KMT5A: variants seen among roughly 807,000 people sequenced by gnomAD.
The protein encoded by KMT5A is lysine methyltransferase 5A.
Under a neutral mutation model 40.6 loss-of-function variants are expected in KMT5A, and 6 were observed. The observed-to-expected ratio is 0.15, with a 90% CI of 0.08 to 0.29. The LOEUF is 0.29. KMT5A is among the 10% of genes least tolerant of loss of function. The probability of loss-of-function intolerance (pLI) is 1.00; values close to 1 mark genes in which losing one functional copy is unlikely to be tolerated. For missense variants in KMT5A, 308 were observed against 459.1 expected, an observed-to-expected ratio of 0.67 and a Z score of 3.01; for synonymous variants, 153 against 178.8, an observed-to-expected ratio of 0.86 and a Z score of 1.15.
rs1878735887 is a variant in KMT5A, at chr12:123,408,438, T to G, written c.*735T>G. The G allele has an allele frequency of 6.6e-6, 1 of 151,934 alleles. No homozygotes were observed. Among genetic ancestry groups the G allele is most frequent in the Non-Finnish European group, 1.5e-5 (1 of 67,956 alleles). 9.4% of individuals were successfully genotyped at this position (151,934 alleles called of 1,614,324 possible). On this transcript the variant is annotated 3_prime_UTR_variant, in exon 8 of 8. Transcript: ENST00000402868. Reference sequence around the variant, plus strand: ...GGGTTTCCTGAAACTGGGTTAATTCTTTATAGAAATGTGAACACTGAATTT... The same window carrying G: ...GGGTTTCCTGAAACTGGGTTAATTCGTTATAGAAATGTGAACACTGAATTT...
intron 2 of KMT5A, 124 bp downstream of exon 2, chr12:123,389,678 C>A: frequency 2.9e-6 from 2 of 691,250 alleles, no homozygotes; most frequent in Non-Finnish European, 3.6e-6. Flanking sequence ...TGCCGCCTGG[C>A]TGGGAGTGGC....
At chr12:123,388,073 A>G (rs537628896) in intron 1 of KMT5A, among the ~76,000 whole-genome samples, 1 of 152,356 alleles carries the variant, frequency 6.6e-6, no homozygotes, top group African/African-American at 2.4e-5. Flanking sequence ...GCAGTGAGCT[A>G]TGCTGAAACA....
intron 7 of KMT5A, among the ~76,000 whole-genome samples, chr12:123,406,941 G>A (rs1391450555): frequency 1.3e-5 from 2 of 151,554 alleles, no homozygotes; most frequent in Non-Finnish European, 1.5e-5. Flanking sequence ...GCCTTACCCC[G>A]GGAGGCAGAG....
chr12:123,387,365 T>C (rs1182272230), intron 1 of KMT5A, among the ~76,000 whole-genome samples: 1 of 152,170 alleles, frequency 6.6e-6, no homozygotes, highest in African/African-American at 2.4e-5. Flanking sequence ...CTCGGTATAC[T>C]AGAATGTGAA....
rs190189133 is a variant in KMT5A at position 123,400,903 on chromosome 12, C to T, written c.598-2670C>T. On this transcript the variant is annotated intron_variant, in intron 5 of 7. Transcript: ENST00000402868. Reference sequence around the variant, plus strand: ...GATTATGGCTTACTAACCTCCGCCTCCTGGCCTGAGACTCCCAAGTAGCTT... The same window carrying T: ...GATTATGGCTTACTAACCTCCGCCTTCTGGCCTGAGACTCCCAAGTAGCTT... 5.7e-4 allele frequency among the ~76,000 whole-genome samples: 86 copies of T among 151,970 alleles called. 1 individual carries two copies. Among genetic ancestry groups the T allele is most frequent in the African/African-American group, 1.9e-3 (78 of 41,458 alleles).
In KMT5A at chr12:123,384,380, C is replaced by G. The variant is rs1387623213; in HGVS notation, c.10+172C>G. On this transcript the variant is annotated intron_variant, in intron 1 of 7. Coordinates refer to ENST00000402868, the MANE Select transcript of KMT5A (RefSeq NM_020382.7). This position sits in a 1 kb window ranked among gnomAD's most constrained non-coding sequence, Gnocchi z 5.7. ...GCTGCTGCGGAACCCGCCGGCCCCC[C>G]CTTGCGGCTCCAGATGCCCCCAGAA... Among the ~76,000 whole-genome samples the G allele has an allele frequency of 6.6e-6, 1 of 152,192 alleles. No individual in the cohort carries two copies. The highest frequency in any genetic ancestry group is 2.4e-5 in the African/African-American group (1 of 41,454).
intron 7 of KMT5A, 48 bp downstream of exon 7, chr12:123,405,122 A>G: frequency 6.6e-7 from 1 of 1,523,652 alleles, no homozygotes; most frequent in Non-Finnish European, 8.9e-7. Flanking sequence ...CTGGGCAGTG[A>G]GGAGAGGCCA....
intron 1 of KMT5A, 22 bp from the exon 2 acceptor site, chr12:123,389,411 T>TC: frequency 9.6e-7 from 1 of 1,040,834 alleles, no homozygotes; most frequent in Non-Finnish European, 1.2e-6. Flanking sequence ...CTCCCCCGCT[T>TC]CCCCCGGGTC....
chr12:123,386,196 A>G (rs998238111), intron 1 of KMT5A, among the ~76,000 whole-genome samples: 6 of 148,570 alleles, frequency 4.0e-5, no homozygotes, highest in Non-Finnish European at 7.4e-5. Context: ...ATTAAATTGG[A>G]TATTTAGATT....
In KMT5A at chr12:123,384,160, G is replaced by A. The variant is rs778539134; in HGVS notation, c.-39G>A. On this transcript the variant is annotated 5_prime_UTR_variant, in exon 1 of 8. Coordinates refer to ENST00000402868, the MANE Select transcript of KMT5A (RefSeq NM_020382.7). This position sits in a 1 kb window ranked among gnomAD's most constrained non-coding sequence, Gnocchi z 5.7. ...TTGTTGCAACTTTTTTCGAAAGCTG[G>A]GTTTCCCGGGAGATCCCAGGCGGTG... 4.3e-6 allele frequency: 7 copies of A among 1,613,018 alleles called. No individual in the cohort carries two copies. Among genetic ancestry groups the A allele is most frequent in the Middle Eastern group, 1.6e-4 (1 of 6,076 alleles).
In KMT5A at chr12:123,409,055, G is replaced by A. The variant is rs1418102228; in HGVS notation, c.*1352G>A. ...TGACCTGGTGTCTCCTGCCCACCCT[G>A]GTCCCAGGTAAATGTGAATGGAGAC... On this transcript the variant is annotated 3_prime_UTR_variant, in exon 8 of 8. Coordinates refer to ENST00000402868, the MANE Select transcript of KMT5A (RefSeq NM_020382.7). The A allele has an allele frequency of 2.0e-5, 3 of 152,624 alleles. No individual in the cohort carries two copies. The highest frequency in any genetic ancestry group is 4.4e-5 in the Non-Finnish European group (3 of 68,044). 9.5% of individuals were successfully genotyped at this position (152,624 alleles called of 1,614,324 possible).
chr12:123,384,356 C>G lies in KMT5A; in HGVS notation c.10+148C>G, dbSNP rs1348196209. The stretch of plus-strand genomic sequence containing the variant: ...GACCCGCGTGGGGGGAGAGGGGGTG[C>G]TGCTGCGGAACCCGCCGGCCCCCCC... On this transcript the variant is annotated intron_variant, in intron 1 of 7. Transcript: ENST00000402868. This position sits in a 1 kb window ranked among gnomAD's most constrained non-coding sequence, Gnocchi z 5.7. The G allele has an allele frequency of 4.4e-6, 5 of 1,124,034 alleles. No individual in the cohort carries two copies. In the East Asian group the frequency reaches 1.3e-4, roughly 29 times the overall value. The allele number at this position is 1,124,034 out of a possible 1,614,324, so 69.6% of individuals were successfully genotyped here.
intron 5 of KMT5A, among the ~76,000 whole-genome samples, chr12:123,401,381 T>C (rs112196150): frequency 0.071 from 10,580 of 150,038 alleles, 408 homozygotes; most frequent in South Asian, 0.12. Flanking sequence ...ATCTCCTGAC[T>C]TCGTGATCCG....
At chr12:123,396,233 G>A in intron 4 of KMT5A, 112 bp from the exon 5 acceptor site, 1 of 952,250 alleles carries the variant, frequency 1.1e-6, no homozygotes, top group Non-Finnish European at 1.6e-6. Context: ...GTGTTTAAGT[G>A]ACATCATCTC....
At chr12:123,392,945 C>T (rs564434967) in intron 3 of KMT5A, among the ~76,000 whole-genome samples, 6 of 152,192 alleles carry the variant, frequency 3.9e-5, no homozygotes, top group South Asian at 2.1e-4. Flanking sequence ...GGTGCAATCT[C>T]GGCTCACTGC....
chr12:123,391,139 A>C, intron 3 of KMT5A: 1 of 227,380 alleles, frequency 4.4e-6, no homozygotes, highest in South Asian at 6.4e-5. Flanking sequence ...GACCTAACTA[A>C]TGTGTTCATG....
intron 4 of KMT5A, among the ~76,000 whole-genome samples, chr12:123,396,068 A>G (rs1046410525): frequency 6.6e-6 from 1 of 150,712 alleles, no homozygotes; most frequent in African/African-American, 2.4e-5. Flanking sequence ...TTGGTCTTGA[A>G]CTCCTGGGCT....
chr12:123,396,916 C>G (rs575262615), intron 5 of KMT5A, among the ~76,000 whole-genome samples: 270 of 152,316 alleles, frequency 1.8e-3, no homozygotes, highest in African/African-American at 6.1e-3. Context: ...CCTTGGCTCT[C>G]CAGTCTGTAA....
chr12:123,401,460 C>G (rs1878170985), intron 5 of KMT5A, among the ~76,000 whole-genome samples: 2 of 151,630 alleles, frequency 1.3e-5, no homozygotes, highest in Non-Finnish European at 1.5e-5. Context: ...ACCTTCTTGA[C>G]CCTTATCTTT....
Sources: allele counts gnomAD v4.1 joint callset (sites outside exome capture counted in the v4.1 genomes callset), GRCh38; gene constraint gnomAD v4.1.1; non-coding constraint Gnocchi (gnomAD v3.1); transcripts MANE v1.5; gene names NCBI Gene and HGNC (gene_info 2026-07-23, HGNC 2026-07-21).